ABI1: variants seen among roughly 807,000 people sequenced by gnomAD.
The protein encoded by ABI1 is abl interactor 1, also known as Abelson interactor 1.
In ABI1, 14 loss-of-function variants were observed where a neutral mutation model predicts 54.6. That is an observed-to-expected ratio of 0.26 (90% CI 0.17 to 0.40). ABI1 has a LOEUF of 0.40. Ranked by LOEUF, ABI1 falls within the 10% of genes least tolerant of loss-of-function variation. The pLI is 1.00. For missense variants in ABI1, 443 were observed against 598.3 expected (o/e 0.74, Z 2.71); for synonymous variants, 194 against 209.3 (o/e 0.93, Z 0.63).
chr10:26,834,681 A>G (rs2133962722), intron 1 of ABI1, among the ~76,000 whole-genome samples: 1 of 152,140 alleles, frequency 6.6e-6, no homozygotes, highest in Middle Eastern at 3.4e-3. Context: ...ACCACAATGC[A>G]ACAGACCAGG....
chr10:26,783,373 G>C (rs978623323), intron 2 of ABI1, among the ~76,000 whole-genome samples: 5 of 152,138 alleles, frequency 3.3e-5, no homozygotes, highest in Non-Finnish European at 5.9e-5. Context: ...AGAGATTATT[G>C]GTTGCTCAAC....
At chr10:26,783,480 T>A (rs1842384409) in intron 2 of ABI1, among the ~76,000 whole-genome samples, 1 of 152,208 alleles carries the variant, frequency 6.6e-6, no homozygotes, top group African/African-American at 2.4e-5. Flanking sequence ...AAAATTTTAA[T>A]CAACTCAAAA....
chr10:26,810,586 C>T (rs2047169035), intron 2 of ABI1, among the ~76,000 whole-genome samples: 1 of 152,118 alleles, frequency 6.6e-6, no homozygotes, highest in African/African-American at 2.4e-5. Context: ...GTCGTAACGA[C>T]TCAACTTTGC....
chr10:26,796,875 T>C (rs1301654572), intron 2 of ABI1, among the ~76,000 whole-genome samples: 2 of 152,182 alleles, frequency 1.3e-5, no homozygotes, highest in African/African-American at 4.8e-5. Flanking sequence ...AGGCATTAGA[T>C]TCTCATAAGG....
At chr10:26,772,497 C>T (rs1038196618) in intron 3 of ABI1, among the ~76,000 whole-genome samples, 2 of 151,902 alleles carry the variant, frequency 1.3e-5, no homozygotes, top group Non-Finnish European at 2.9e-5. Flanking sequence ...ATAAGCTGGT[C>T]CCAAATGGAA....
chr10:26,858,537 GAAAAAAAAAA>G (rs60132421), intron 1 of ABI1, among the ~76,000 whole-genome samples: 9 of 94,270 alleles, frequency 9.5e-5, no homozygotes, highest in African/African-American at 3.3e-4. Context: ...CACAAAAAAA[GAAAAAAAAAA>G]AAAAAAAAAA....
intron 2 of ABI1, among the ~76,000 whole-genome samples, chr10:26,792,083 C>T (rs1307100455): frequency 1.3e-5 from 2 of 152,226 alleles, no homozygotes; most frequent in South Asian, 4.2e-4. Flanking sequence ...TAGTGATACA[C>T]ATACATGCGA....
chr10:26,809,356 G>A (rs137892132), intron 2 of ABI1, among the ~76,000 whole-genome samples: 3 of 151,178 alleles, frequency 2.0e-5, no homozygotes, highest in East Asian at 2.0e-4. Context: ...CCAAGAGTTC[G>A]AGACCACCCT....
At chr10:26,773,928 C>T (rs1478549612) in intron 3 of ABI1, among the ~76,000 whole-genome samples, 2 of 152,118 alleles carry the variant, frequency 1.3e-5, no homozygotes, top group East Asian at 3.9e-4. Context: ...TCTTTTAAGA[C>T]CAATAATAAA....
At chr10:26,807,953 G>A (rs771757028) in intron 2 of ABI1, among the ~76,000 whole-genome samples, 5 of 152,106 alleles carry the variant, frequency 3.3e-5, no homozygotes, top group African/African-American at 9.7e-5. Context: ...TTAGCTGGGC[G>A]TGGTGGTGCA....
intron 1 of ABI1, among the ~76,000 whole-genome samples, chr10:26,834,705 G>A (rs1191526939): frequency 6.6e-6 from 1 of 151,998 alleles, no homozygotes; most frequent in East Asian, 1.9e-4. Flanking sequence ...GGTGGCTCAC[G>A]CCTGTAATCC....
At chr10:26,778,319 T>C (rs760360151) in intron 2 of ABI1, among the ~76,000 whole-genome samples, 9 of 152,094 alleles carry the variant, frequency 5.9e-5, no homozygotes, top group Non-Finnish European at 1.2e-4. Context: ...TCTGGCTTAA[T>C]AAGGAACTGA....
chr10:26,818,242 T>C (rs1157091342), intron 2 of ABI1, among the ~76,000 whole-genome samples: 1 of 149,594 alleles, frequency 6.7e-6, no homozygotes, highest in Non-Finnish European at 1.5e-5. Context: ...GTATATTTTC[T>C]GATCAGAAAT....
Position 26,851,513 on chromosome 10 carries a change from T to C in ABI1, c.117+9234A>G, listed in dbSNP as rs543806983. Among the ~76,000 whole-genome samples the C allele has an allele frequency of 2.0e-5, 3 of 152,020 alleles. No homozygotes were observed. The South Asian group carries it at 6.2e-4, about 32-fold the overall frequency. On this transcript the variant is annotated intron_variant, in intron 1 of 10. Transcript: ENST00000376140. The stretch of plus-strand genomic sequence containing the variant: ...GCTGACAATAGTGTAATAAAACTAG[T>C]TAATCCATAAAGGAGAGATAGGTCA...
At chr10:26,782,979 G>C (rs1358611229) in intron 2 of ABI1, among the ~76,000 whole-genome samples, 1 of 152,004 alleles carries the variant, frequency 6.6e-6, no homozygotes, top group Admixed American at 6.6e-5. Context: ...CCAATTATAG[G>C]TATATACTCA....
At chr10:26,759,636 A>C (rs1418522596) in intron 7 of ABI1, among the ~76,000 whole-genome samples, 3 of 152,090 alleles carry the variant, frequency 2.0e-5, no homozygotes, top group Admixed American at 6.5e-5. Flanking sequence ...CTTTAGATAT[A>C]AGTAGATTCA....
intron 1 of ABI1, among the ~76,000 whole-genome samples, chr10:26,837,259 A>T (rs373116617): frequency 1.3e-5 from 2 of 152,118 alleles, no homozygotes; most frequent in South Asian, 2.1e-4. Context: ...CTAGCAAGGG[A>T]TTTCTTCTTG....
At position 26,823,308 on chromosome 10, in the gene ABI1, G is replaced by A; in HGVS notation, c.118-3C>T. ...AAAGCTTTTCTCTTGTCTGTAGCCT[G>A]AAATAAGAACAAAAACAACAAATAC... On this transcript the variant is annotated splice_polypyrimidine_tract_variant and splice_region_variant and intron_variant, in intron 1 of 10. Transcript: ENST00000376140. 6.7e-7 allele frequency: 1 copy of A among 1,500,354 alleles called. No individual in the cohort carries two copies. Among genetic ancestry groups the A allele is most frequent in the Non-Finnish European group, 8.8e-7 (1 of 1,132,196 alleles). 92.9% of individuals were successfully genotyped at this position (1,500,354 alleles called of 1,614,324 possible). A position where few individuals can be genotyped will look rare whatever the true frequency, so the allele number is the denominator to read the frequency against.
chr10:26,810,728 G>A (rs1444205004), intron 2 of ABI1, among the ~76,000 whole-genome samples: 1 of 152,004 alleles, frequency 6.6e-6, no homozygotes, highest in Non-Finnish European at 1.5e-5. Context: ...ACGGACCCCT[G>A]CACTAGATTA....
Sources: allele counts gnomAD v4.1 joint callset (sites outside exome capture counted in the v4.1 genomes callset), GRCh38; gene constraint gnomAD v4.1.1; transcripts MANE v1.5; gene names NCBI Gene and HGNC (gene_info 2026-07-23, HGNC 2026-07-21).